Variants in TMTC2 observed in about 807,000 individuals in gnomAD.
The protein encoded by TMTC2 is transmembrane O-mannosyltransferase targeting cadherins 2.
A neutral mutation model predicts 82.4 loss-of-function variants in TMTC2; 43 were observed. The ratio of observed to expected loss-of-function variants is 0.52; its 90% CI spans 0.41 to 0.67. TMTC2 has a LOEUF of 0.67. TMTC2 is among the 30% of genes least tolerant of loss of function. The pLI, the probability that TMTC2 is intolerant of heterozygous loss-of-function variation, is 0.00. For synonymous variants in TMTC2, 408 were observed against 381.9 expected, an observed-to-expected ratio of 1.07 and a Z score of -0.80; for missense variants, 919 against 1,012.4, an observed-to-expected ratio of 0.91 and a Z score of 1.25.
intron 1 of TMTC2, among the ~76,000 whole-genome samples, chr12:82,765,270 C>G (rs921490442): frequency 6.6e-6 from 1 of 152,128 alleles, no homozygotes; most frequent in Non-Finnish European, 1.5e-5. Context: ...TGATATTACT[C>G]AATCATCCAT....
chr12:82,818,761 T>C (rs1171872130), intron 1 of TMTC2, among the ~76,000 whole-genome samples: 2 of 152,158 alleles, frequency 1.3e-5, no homozygotes, highest in African/African-American at 2.4e-5. Flanking sequence ...GAATTTTATG[T>C]TGACATGGGG....
At chr12:82,934,451 C>A (rs1017750048) in intron 4 of TMTC2, among the ~76,000 whole-genome samples, 13 of 151,138 alleles carry the variant, frequency 8.6e-5, no homozygotes, top group African/African-American at 2.9e-4. Flanking sequence ...CATAGTTCAA[C>A]TCCCACTTAT....
chr12:82,748,962 T>C (rs1875835434), intron 1 of TMTC2, among the ~76,000 whole-genome samples: 1 of 152,244 alleles, frequency 6.6e-6, no homozygotes, highest in Non-Finnish European at 1.5e-5. Flanking sequence ...AAGCTTCTTA[T>C]ATATAAACCT....
At chr12:82,726,477 G>GGTATA (rs1400538936) in intron 1 of TMTC2, among the ~76,000 whole-genome samples, 201 of 152,300 alleles carry the variant, frequency 1.3e-3, no homozygotes, top group African/African-American at 4.7e-3. Flanking sequence ...CTCCACCAGA[G>GGTATA]ACTTTTCAGT....
intron 1 of TMTC2, among the ~76,000 whole-genome samples, chr12:82,714,748 A>G (rs1873814547): frequency 6.6e-6 from 1 of 152,182 alleles, no homozygotes; most frequent in Non-Finnish European, 1.5e-5. Context: ...CATAGCTCAC[A>G]TTCTAAAATT....
At chr12:82,879,349 A>T (rs1379356209) in intron 2 of TMTC2, among the ~76,000 whole-genome samples, 1 of 152,192 alleles carries the variant, frequency 6.6e-6, no homozygotes, top group African/African-American at 2.4e-5. Flanking sequence ...TAGTTGCCAG[A>T]TGAAACTGTT....
At chr12:83,000,107 C>T (rs1320855057) in intron 8 of TMTC2, among the ~76,000 whole-genome samples, 1 of 150,856 alleles carries the variant, frequency 6.6e-6, no homozygotes, top group African/African-American at 2.4e-5. Flanking sequence ...TGGCTACAGG[C>T]ACACACAAGT....
At chr12:83,085,930 T>A (rs1883639025) in intron 11 of TMTC2, among the ~76,000 whole-genome samples, 2 of 152,228 alleles carry the variant, frequency 1.3e-5, no homozygotes, top group African/African-American at 4.8e-5. Context: ...ACAAATGTTA[T>A]TTGTTGGGAA....
intron 1 of TMTC2, among the ~76,000 whole-genome samples, chr12:82,753,107 G>A (rs1876106058): frequency 6.6e-6 from 1 of 151,872 alleles, no homozygotes; most frequent in South Asian, 2.1e-4. Context: ...TTTCTTTTCT[G>A]TTAAAGAAGC....
intron 11 of TMTC2, among the ~76,000 whole-genome samples, chr12:83,131,108 T>C (rs1238935491): frequency 6.6e-6 from 1 of 152,228 alleles, no homozygotes; most frequent in East Asian, 1.9e-4. Flanking sequence ...TAACACAGAA[T>C]TGAAGGACAA....
intron 8 of TMTC2, among the ~76,000 whole-genome samples, chr12:82,993,755 C>T (rs1418690254): frequency 1.3e-5 from 2 of 152,042 alleles, no homozygotes; most frequent in African/African-American, 2.4e-5. Context: ...TCATAGTCAG[C>T]GACTCTCTGA....
chr12:83,022,171 A>G (rs1466098775), intron 8 of TMTC2, among the ~76,000 whole-genome samples: 1 of 152,062 alleles, frequency 6.6e-6, no homozygotes, highest in African/African-American at 2.4e-5. Flanking sequence ...GGCCCTGCAC[A>G]GTCTGGTCCC....
At chr12:82,795,311 CAAAAAAA>C (rs35485888) in intron 1 of TMTC2, among the ~76,000 whole-genome samples, 155 of 94,890 alleles carry the variant, frequency 1.6e-3, no homozygotes, top group Middle Eastern at 5.3e-3. Context: ...GATTCCATCT[CAAAAAAA>C]AAAAAAAAAA....
At chr12:82,793,142 G>A (rs1170297898) in intron 1 of TMTC2, among the ~76,000 whole-genome samples, 1 of 152,076 alleles carries the variant, frequency 6.6e-6, no homozygotes, top group Non-Finnish European at 1.5e-5. Flanking sequence ...TGTTTCCACA[G>A]TATCCTCACT....
Position 82,969,188 on chromosome 12 carries a change from G to T in TMTC2, c.1948+2191G>T, listed in dbSNP as rs147606821. The stretch of plus-strand genomic sequence containing the variant: ...GTTCATCAGTTTCATTAGTCTGTCA[G>T]CGTGTGCTGATTATCCTATCAAGTT... On this transcript the variant is annotated intron_variant, in intron 7 of 11. Transcript: ENST00000321196. Among the ~76,000 whole-genome samples the T allele has an allele frequency of 3.2e-3, 493 of 152,276 alleles. 1 individual carries two copies. The highest frequency in any genetic ancestry group is 0.011 in the African/African-American group (471 of 41,554).
chr12:83,101,282 T>A (rs1565888287), intron 11 of TMTC2, among the ~76,000 whole-genome samples: 1 of 152,206 alleles, frequency 6.6e-6, no homozygotes, highest in Non-Finnish European at 1.5e-5. Flanking sequence ...AAATTTTGTG[T>A]TTCTTCAAGT....
chr12:83,023,501 A>G (rs1881028911), intron 8 of TMTC2, among the ~76,000 whole-genome samples: 1 of 152,148 alleles, frequency 6.6e-6, no homozygotes. Flanking sequence ...CCCAGGGGTT[A>G]ACCTAAAACT....
At position 82,767,163 on chromosome 12, in the gene TMTC2, A is replaced by C. The variant is rs182165933; in HGVS notation, c.83+79494A>C. On this transcript the variant is annotated intron_variant, in intron 1 of 11. Transcript: ENST00000321196. ...AACTTGTGTGGTTATGTAATTCTTGAATTACAGTATTGCTGCCTTTTGGAA... is the reference window on the plus strand; with the variant it reads ...AACTTGTGTGGTTATGTAATTCTTGCATTACAGTATTGCTGCCTTTTGGAA... Among the ~76,000 whole-genome samples, 451 of 152,290 alleles carry C rather than the reference A, an allele frequency of 3.0e-3. 3 individuals carry two copies. In the Middle Eastern group the frequency reaches 0.031, roughly 10 times the overall value.
At chr12:82,757,675 C>T (rs1314377155) in intron 1 of TMTC2, among the ~76,000 whole-genome samples, 1 of 152,218 alleles carries the variant, frequency 6.6e-6, no homozygotes, top group East Asian at 1.9e-4. Context: ...ATGCTACCAA[C>T]ATTTCCACTC....
Sources: allele counts gnomAD v4.1 joint callset (sites outside exome capture counted in the v4.1 genomes callset), GRCh38; gene constraint gnomAD v4.1.1; transcripts MANE v1.5; gene names NCBI Gene and HGNC (gene_info 2026-07-23, HGNC 2026-07-21).